Variants in SLC35F3 observed in about 807,000 individuals in gnomAD.
The protein encoded by SLC35F3 is putative thiamine transporter SLC35F3.
A neutral mutation model predicts 49.9 loss-of-function variants in SLC35F3; 25 were observed. The observed-to-expected ratio is 0.50, with a 90% CI of 0.37 to 0.70. The LOEUF is 0.70. Among genes scored for constraint, SLC35F3 ranks in the 30% least tolerant of loss-of-function variants. SLC35F3 has a pLI of 0.00. For missense variants in SLC35F3, 525 were observed against 639.8 expected (o/e 0.82, Z 1.94); for synonymous variants, 275 against 265.4 (o/e 1.04, Z -0.35).
chr1:234,192,503 G>A (rs1047636729), intron 2 of SLC35F3, among the ~76,000 whole-genome samples: 4 of 152,086 alleles, frequency 2.6e-5, no homozygotes, highest in Non-Finnish European at 5.9e-5. Flanking sequence ...ATACTGAATG[G>A]GGAAAAGTTG....
At chr1:234,042,163 C>A (rs1664230741) in intron 2 of SLC35F3, among the ~76,000 whole-genome samples, 1 of 152,126 alleles carries the variant, frequency 6.6e-6, no homozygotes, top group South Asian at 2.1e-4. Flanking sequence ...CTGACAGAGT[C>A]AGAGGAAATG....
At chr1:234,038,143 G>A (rs1184834717) in intron 2 of SLC35F3, among the ~76,000 whole-genome samples, 2 of 123,252 alleles carry the variant, frequency 1.6e-5, no homozygotes, top group Admixed American at 1.1e-4. Context: ...TCCCCAGAGT[G>A]TGATGTTCCC....
intron 2 of SLC35F3, among the ~76,000 whole-genome samples, chr1:234,063,178 C>T (rs898648856): frequency 2.6e-5 from 4 of 152,126 alleles, no homozygotes; most frequent in African/African-American, 7.2e-5. Flanking sequence ...TGCTCTTTCT[C>T]ATGGCCCAGT....
chr1:233,975,040 G>T (rs57771170), intron 2 of SLC35F3, among the ~76,000 whole-genome samples: 7,582 of 152,282 alleles, frequency 0.05, 357 homozygotes, highest in East Asian at 0.23. Flanking sequence ...CAAAGTAGAG[G>T]CTCTGAACAA....
intron 2 of SLC35F3, among the ~76,000 whole-genome samples, chr1:233,975,877 A>G (rs1177613427): frequency 3.9e-5 from 6 of 152,178 alleles, no homozygotes. Flanking sequence ...CTGTTTCCAG[A>G]AAGGACTTGA....
At chr1:234,015,692 G>C (rs995307985) in intron 2 of SLC35F3, among the ~76,000 whole-genome samples, 1 of 152,102 alleles carries the variant, frequency 6.6e-6, no homozygotes, top group Admixed American at 6.5e-5. Flanking sequence ...CATAAGACCT[G>C]AAACTGTAAA....
At chr1:234,166,351 T>G (rs1290910751) in intron 2 of SLC35F3, among the ~76,000 whole-genome samples, 1 of 152,216 alleles carries the variant, frequency 6.6e-6, no homozygotes, top group African/African-American at 2.4e-5. Flanking sequence ...ATATTAAGGC[T>G]CACTCTTACT....
rs1223777446 is a variant in SLC35F3 at position 234,309,158 on chromosome 1, G to A, written c.666G>A (p.Lys222=). The A allele has an allele frequency of 1.2e-6, 2 of 1,614,122 alleles. No homozygotes were observed. Among genetic ancestry groups the A allele is most frequent in the African/African-American group, 1.3e-5 (1 of 75,014 alleles). Residue 222 remains lysine, a synonymous_variant, in exon 4 of 8, where the codon AAG becomes AAA. Transcript: ENST00000366618. ...NGLTLKVFFT[K]AAPFGVLWTL... ...TGACTTTGAAGGTGTTTTTTACCAA[G>A]GCAGCACCCTTTGGTGTTCTTTGGA...
At chr1:234,319,008 C>A in intron 6 of SLC35F3, 65 bp downstream of exon 6, 2 of 1,392,002 alleles carry the variant, frequency 1.4e-6, no homozygotes, top group African/African-American at 1.4e-5. Context: ...CCTCAGGAAA[C>A]ATGTTCCCTG....
intron 2 of SLC35F3, among the ~76,000 whole-genome samples, chr1:233,956,238 C>T (rs41454447): frequency 0.025 from 3,793 of 152,166 alleles, 166 homozygotes; most frequent in African/African-American, 0.087. Flanking sequence ...GTGACTTCTC[C>T]TATTGCTCTA....
At chr1:233,924,611 G>A (rs1662125780) in intron 2 of SLC35F3, among the ~76,000 whole-genome samples, 1 of 152,114 alleles carries the variant, frequency 6.6e-6, no homozygotes, top group Non-Finnish European at 1.5e-5. Context: ...TTTTTGAAGG[G>A]TTTTTTGTTT....
chr1:233,998,399 G>A (rs562601335), intron 2 of SLC35F3, among the ~76,000 whole-genome samples: 8 of 151,572 alleles, frequency 5.3e-5, no homozygotes, highest in Admixed American at 4.0e-4. Flanking sequence ...AAATCATGTC[G>A]GATTTTTCTC....
At chr1:233,999,209 T>C (rs1663509916) in intron 2 of SLC35F3, among the ~76,000 whole-genome samples, 1 of 152,258 alleles carries the variant, frequency 6.6e-6, no homozygotes, top group Admixed American at 6.5e-5. Flanking sequence ...CCACGTTTTT[T>C]CCACCGCGTC....
At chr1:233,940,369 CAG>C (rs10579621) in intron 2 of SLC35F3, among the ~76,000 whole-genome samples, 92,667 of 146,616 alleles carry the variant, frequency 0.63, 28,830 homozygotes, top group Admixed American at 0.7. Flanking sequence ...CACACACACA[CAG>C]AGAGAGAGAG....
chr1:234,134,392 T>A (rs1665780782), intron 2 of SLC35F3, among the ~76,000 whole-genome samples: 3 of 148,730 alleles, frequency 2.0e-5, no homozygotes, highest in Non-Finnish European at 3.0e-5. Flanking sequence ...TCATTATGCA[T>A]GTGTATTAAT....
intron 2 of SLC35F3, among the ~76,000 whole-genome samples, chr1:234,137,093 A>G (rs539493925): frequency 6.6e-6 from 1 of 152,334 alleles, no homozygotes; most frequent in African/African-American, 2.4e-5. Context: ...GAACTGGACA[A>G]GGTAACCAAT....
intron 2 of SLC35F3, among the ~76,000 whole-genome samples, chr1:233,973,949 A>T (rs1663034292): frequency 1.3e-5 from 2 of 152,162 alleles, no homozygotes; most frequent in Non-Finnish European, 2.9e-5. Flanking sequence ...ATTCTGAAGA[A>T]ATAATTTTAG....
Position 233,984,451 on chromosome 1 carries a change from C to T in SLC35F3, c.283+78693C>T, listed in dbSNP as rs548707942. The stretch of plus-strand genomic sequence containing the variant: ...ATGGCTTGCAAGTAAGAGTTTTTAA[C>T]GGGATGGGTAAGTTTTAGGAAAGCA... On this transcript the variant is annotated intron_variant, in intron 2 of 7. Coordinates refer to ENST00000366618, the MANE Select transcript of SLC35F3 (RefSeq NM_173508.4). Among the ~76,000 whole-genome samples, 70 of 152,206 alleles carry T rather than the reference C, an allele frequency of 4.6e-4. 2 individuals carry two copies. Among genetic ancestry groups the T allele is most frequent in the African/African-American group, 1.5e-3 (61 of 41,498 alleles).
chr1:234,044,811 C>T (rs1484403653), intron 2 of SLC35F3, among the ~76,000 whole-genome samples: 2 of 152,094 alleles, frequency 1.3e-5, no homozygotes, highest in African/African-American at 2.4e-5. Flanking sequence ...TTCTGATTTC[C>T]AATCCTGTGT....
Sources: gnomAD v4.1 joint callset for allele counts (sites outside exome capture counted in the v4.1 genomes callset) on GRCh38, gnomAD v4.1.1 for gene constraint, MANE v1.5 for transcripts, NCBI Gene and HGNC (gene_info 2026-07-23, HGNC 2026-07-21) for gene names.